The following STXBP5L variants were observed in gnomAD, a reference collection of about 807,000 sequenced individuals.
STXBP5L encodes the protein syntaxin-binding protein 5-like.
Under a neutral mutation model 144.5 loss-of-function variants are expected in STXBP5L, and 65 were observed. The observed-to-expected ratio is 0.45, with a 90% CI of 0.37 to 0.55. The LOEUF is 0.55. STXBP5L is among the 20% of genes least tolerant of loss of function. The pLI is 0.00. For missense variants in STXBP5L, 1,298 were observed against 1,405.5 expected (o/e 0.92, Z 1.22); for synonymous variants, 505 against 469.6 (o/e 1.08, Z -0.97).
chr3:121,048,855 CT>C (rs1375135213), intron 5 of STXBP5L, among the ~76,000 whole-genome samples: 1 of 152,046 alleles, frequency 6.6e-6, no homozygotes, highest in Admixed American at 6.6e-5. Flanking sequence ...TCAAGAGGCA[CT>C]GCCCAGTGAA....
At chr3:121,274,528 C>T (rs2108427819) in intron 18 of STXBP5L, among the ~76,000 whole-genome samples, 1 of 152,306 alleles carries the variant, frequency 6.6e-6, no homozygotes, top group African/African-American at 2.4e-5. Flanking sequence ...GATGTGCTGG[C>T]ACACATGCAG....
At chr3:121,160,125 G>A (rs377009036) in intron 9 of STXBP5L, among the ~76,000 whole-genome samples, 37 of 152,122 alleles carry the variant, frequency 2.4e-4, no homozygotes, top group African/African-American at 8.9e-4. Flanking sequence ...AAATAGGTCA[G>A]GGTAGTTGAT....
chr3:121,228,204 C>A (rs563008275), intron 11 of STXBP5L, among the ~76,000 whole-genome samples: 1 of 152,272 alleles, frequency 6.6e-6, no homozygotes, highest in South Asian at 2.1e-4. Context: ...TTGTAAAGTT[C>A]AGTTTTCTGA....
chr3:121,066,500 T>C (rs1403912187), intron 5 of STXBP5L, among the ~76,000 whole-genome samples: 2 of 152,150 alleles, frequency 1.3e-5, no homozygotes, highest in Non-Finnish European at 2.9e-5. Context: ...TGTGTTAATG[T>C]GGTAAGTTAC....
intron 9 of STXBP5L, among the ~76,000 whole-genome samples, chr3:121,200,654 G>T (rs770873961): frequency 1.3e-5 from 2 of 152,032 alleles, no homozygotes; most frequent in Non-Finnish European, 2.9e-5. Flanking sequence ...ATTTAGCTGT[G>T]TCCCAGAGAT....
chr3:120,981,375 G>T (rs933323153), intron 3 of STXBP5L, among the ~76,000 whole-genome samples: 2 of 151,944 alleles, frequency 1.3e-5, no homozygotes, highest in Non-Finnish European at 2.9e-5. Flanking sequence ...TTTCTCAAAG[G>T]CTCTGCTCAT....
At chr3:121,309,558 C>T (rs1398229640) in intron 19 of STXBP5L, among the ~76,000 whole-genome samples, 1 of 151,936 alleles carries the variant, frequency 6.6e-6, no homozygotes, top group Admixed American at 6.6e-5. Context: ...TTCAAAGTTC[C>T]ACTTTTAAAA....
At chr3:121,397,071 C>T (rs770289003) in intron 22 of STXBP5L, among the ~76,000 whole-genome samples, 8 of 152,196 alleles carry the variant, frequency 5.3e-5, no homozygotes, top group East Asian at 1.9e-4. Context: ...CTTTACTTTT[C>T]GATCCAGAAT....
chr3:121,046,251 A>C (rs542197185), intron 5 of STXBP5L, among the ~76,000 whole-genome samples: 100 of 152,248 alleles, frequency 6.6e-4, no homozygotes, highest in African/African-American at 2.2e-3. Flanking sequence ...CACGTGCTGC[A>C]GGATTCAGTT....
chr3:120,921,792 T>G (rs1367864479), intron 2 of STXBP5L, among the ~76,000 whole-genome samples: 1 of 152,114 alleles, frequency 6.6e-6, no homozygotes, highest in African/African-American at 2.4e-5. Flanking sequence ...TGGATTTATA[T>G]CTGGGTTTTC....
intron 9 of STXBP5L, among the ~76,000 whole-genome samples, chr3:121,193,823 T>C (rs1205884268): frequency 6.6e-6 from 1 of 151,952 alleles, no homozygotes; most frequent in Admixed American, 6.6e-5. Flanking sequence ...GGGCCTGTCA[T>C]GGGGTAGGGG....
intron 20 of STXBP5L, among the ~76,000 whole-genome samples, chr3:121,363,342 T>A (rs2045769652): frequency 6.6e-6 from 1 of 152,110 alleles, no homozygotes; most frequent in South Asian, 2.1e-4. Flanking sequence ...TTGTAGTCCT[T>A]ATGCCCTACA....
chr3:121,370,374 A>G (rs1294192835), intron 20 of STXBP5L, among the ~76,000 whole-genome samples: 1 of 152,144 alleles, frequency 6.6e-6, no homozygotes, highest in Non-Finnish European at 1.5e-5. Flanking sequence ...TCTCAAAAAA[A>G]GTGTATAGCA....
chr3:121,255,200 C>T lies in STXBP5L; in HGVS notation c.1659+88C>T. On this transcript the variant is annotated intron_variant, in intron 16 of 26. Transcript: ENST00000471454. ...TTTGACTACTACTTGGTATGGTTTC[C>T]ATGAAGTGTGCAGTATGTGGCTAGT... The T allele has an allele frequency of 3.0e-6, 3 of 1,000,332 alleles. No homozygotes were observed. The South Asian group carries it at 5.5e-5, about 18-fold the overall frequency. The allele number at this position is 1,000,332 out of a possible 1,614,324, so 62.0% of individuals were successfully genotyped here.
At position 121,422,418 on chromosome 3, in the gene STXBP5L, G is replaced by T. The variant is rs1252385805; in HGVS notation, c.*3321G>T. On this transcript the variant is annotated 3_prime_UTR_variant, in exon 27 of 27. Coordinates refer to ENST00000471454, the MANE Select transcript of STXBP5L (RefSeq NM_001308330.2). ...AAGATAAGGCCTTTTTAGTGTTACA[G>T]TAGAAAATGGGCCTTTTCATTTATT... The T allele has an allele frequency of 6.6e-6, 1 of 152,136 alleles. No individual in the cohort carries two copies. Among genetic ancestry groups the T allele is most frequent in the Non-Finnish European group, 1.5e-5 (1 of 68,020 alleles). 9.4% of individuals were successfully genotyped at this position (152,136 alleles called of 1,614,324 possible). A position where few individuals can be genotyped will look rare whatever the true frequency, so the allele number is the denominator to read the frequency against.
chr3:121,091,006 C>G (rs772318271), intron 5 of STXBP5L, among the ~76,000 whole-genome samples: 1 of 147,904 alleles, frequency 6.8e-6, no homozygotes, highest in Admixed American at 6.9e-5. Context: ...TCAATTCCCA[C>G]CTATGAGTGA....
rs1023059991 is a variant in STXBP5L, at chr3:121,303,737, A to G, written c.2111-14738A>G. Among the ~76,000 whole-genome samples, 4 of 152,300 alleles carry G rather than the reference A, an allele frequency of 2.6e-5. No individual in the cohort carries two copies. The East Asian group carries it at 5.8e-4, about 22-fold the overall frequency. ...GTTCATGTCCTTTGTAGGGACATGG[A>G]TGAAGCTGGAAACCATCATTCTCAG... On this transcript the variant is annotated intron_variant, in intron 19 of 26. Coordinates refer to ENST00000471454, the MANE Select transcript of STXBP5L (RefSeq NM_001308330.2).
At chr3:120,965,561 C>T (rs1443485944) in intron 3 of STXBP5L, among the ~76,000 whole-genome samples, 1 of 152,144 alleles carries the variant, frequency 6.6e-6, no homozygotes, top group Non-Finnish European at 1.5e-5. Flanking sequence ...ATATGATATT[C>T]TCCATTGAAA....
chr3:121,292,549 A>G (rs2051481978), intron 19 of STXBP5L, among the ~76,000 whole-genome samples: 1 of 152,220 alleles, frequency 6.6e-6, no homozygotes, highest in African/African-American at 2.4e-5. Flanking sequence ...GTATCTACCC[A>G]GAGGAAAAGA....
Sources: gnomAD v4.1 joint callset for allele counts (sites outside exome capture counted in the v4.1 genomes callset) on GRCh38, gnomAD v4.1.1 for gene constraint, MANE v1.5 for transcripts, NCBI Gene and HGNC (gene_info 2026-07-23, HGNC 2026-07-21) for gene names.